Variants in DGKE observed in about 807,000 individuals in gnomAD.
DGKE encodes the protein diacylglycerol kinase epsilon.
In DGKE, 53 loss-of-function variants were observed where a neutral mutation model predicts 70.0. That is an observed-to-expected ratio of 0.76 (90% CI 0.61 to 0.95). The LOEUF is 0.95. DGKE is among the 40% of genes least tolerant of loss of function. The probability of loss-of-function intolerance (pLI) is 0.00; values close to 1 mark genes in which losing one functional copy is unlikely to be tolerated. For missense variants in DGKE, 655 were observed against 706.9 expected (o/e 0.93, Z 0.83); for synonymous variants, 291 against 257.0 (o/e 1.13, Z -1.27).
At chr17:56,851,064 C>G (rs1252635030) in intron 7 of DGKE, among the ~76,000 whole-genome samples, 4 of 152,098 alleles carry the variant, frequency 2.6e-5, no homozygotes, top group African/African-American at 9.7e-5. Context: ...GAGAGTAGAT[C>G]TGTATTTTTA....
chr17:56,859,698 G>A (rs1316575769), intron 9 of DGKE, among the ~76,000 whole-genome samples: 3 of 152,186 alleles, frequency 2.0e-5, no homozygotes, highest in South Asian at 2.1e-4. Flanking sequence ...GATTACAGGC[G>A]TAAGCCACCG....
At chr17:56,849,951 A>C (rs1253705304) in intron 7 of DGKE, among the ~76,000 whole-genome samples, 1 of 152,140 alleles carries the variant, frequency 6.6e-6, no homozygotes, top group African/African-American at 2.4e-5. Flanking sequence ...TAGGAAGTAA[A>C]ATAAACTGGG....
At chr17:56,846,763 A>G (rs759372970) in intron 4 of DGKE, among the ~76,000 whole-genome samples, 4 of 152,196 alleles carry the variant, frequency 2.6e-5, no homozygotes, top group Admixed American at 6.5e-5. Flanking sequence ...TATAAAAAAT[A>G]CAGAGAAAAT....
At chr17:56,858,880 T>C (rs1908113756) in intron 9 of DGKE, among the ~76,000 whole-genome samples, 1 of 152,234 alleles carries the variant, frequency 6.6e-6, no homozygotes, top group Non-Finnish European at 1.5e-5. Flanking sequence ...ATTCACATTA[T>C]GCAGAAAAGA....
intron 2 of DGKE, among the ~76,000 whole-genome samples, chr17:56,842,683 AAAC>A (rs1907060337): frequency 6.6e-6 from 1 of 152,248 alleles, no homozygotes; most frequent in African/African-American, 2.4e-5. Flanking sequence ...CAAAAGGAAA[AAAC>A]AGCTTAAAAT....
intron 2 of DGKE, 96 bp downstream of exon 2, chr17:56,835,355 A>T: frequency 1.6e-6 from 2 of 1,276,258 alleles, no homozygotes; most frequent in Non-Finnish European, 2.1e-6. Flanking sequence ...TCTGCTGATG[A>T]CCTAAACTCA....
chr17:56,860,355 G>A (rs1299840973), intron 9 of DGKE, among the ~76,000 whole-genome samples: 3 of 152,142 alleles, frequency 2.0e-5, no homozygotes, highest in Non-Finnish European at 4.4e-5. Flanking sequence ...AACATAGTGA[G>A]ACTCCACTTT....
chr17:56,865,731 G>T lies in DGKE; in HGVS notation c.*2940G>T, dbSNP rs1431300452. On this transcript the variant is annotated 3_prime_UTR_variant, in exon 12 of 12. Transcript: ENST00000284061. ...TAAAATATACTGTGACTCAGAAATTGTAAAGTCAGTTTGCGTTGTAAAAAT... is the reference window on the plus strand; with the variant it reads ...TAAAATATACTGTGACTCAGAAATTTTAAAGTCAGTTTGCGTTGTAAAAAT... The T allele has an allele frequency of 5.3e-5, 8 of 152,064 alleles. No individual in the cohort carries two copies. Among genetic ancestry groups the T allele is most frequent in the African/African-American group, 1.7e-4 (7 of 41,432 alleles). The allele number at this position is 152,064 out of a possible 1,614,324, so 9.4% of individuals were successfully genotyped here.
Position 56,864,410 on chromosome 17 carries a change from G to A in DGKE, c.*1619G>A, listed in dbSNP as rs1908445586. Reference sequence around the variant, plus strand: ...GACCATGTTTTCAAAGAGCAACTTAGTAATGTATACAGTAGTCAGTACATT... The same window carrying A: ...GACCATGTTTTCAAAGAGCAACTTAATAATGTATACAGTAGTCAGTACATT... On this transcript the variant is annotated 3_prime_UTR_variant, in exon 12 of 12. Transcript: ENST00000284061. 6.6e-6 allele frequency: 1 copy of A among 152,204 alleles called. No individual in the cohort carries two copies. The highest frequency in any genetic ancestry group is 2.4e-5 in the African/African-American group (1 of 41,436). The allele number at this position is 152,204 out of a possible 1,614,324, so 9.4% of individuals were successfully genotyped here.
intron 4 of DGKE, chr17:56,846,085 G>C: frequency 6.7e-6 from 1 of 149,072 alleles, no homozygotes; most frequent in Non-Finnish European, 1.2e-5. Context: ...CAAGGGAAGT[G>C]AAAACATATT....
intron 2 of DGKE, among the ~76,000 whole-genome samples, chr17:56,843,265 GT>G (rs964656386): frequency 1.2e-4 from 18 of 151,992 alleles, no homozygotes; most frequent in African/African-American, 3.6e-4. Flanking sequence ...GTTACAAATG[GT>G]TTTTATGAAA....
chr17:56,836,967 C>T lies in DGKE; in HGVS notation c.464+1708C>T, dbSNP rs553067922. On this transcript the variant is annotated intron_variant, in intron 2 of 11. Coordinates refer to ENST00000284061, the MANE Select transcript of DGKE (RefSeq NM_003647.3). The stretch of plus-strand genomic sequence containing the variant: ...GTCCTTGTCCTTTCCTTCAGGAACT[C>T]TTACCTGATCTACTCAGCTTCCCTC... Among the ~76,000 whole-genome samples, 3 of 152,294 alleles carry T rather than the reference C, an allele frequency of 2.0e-5. No individual in the cohort carries two copies. The South Asian group carries it at 6.2e-4, about 32-fold the overall frequency.
At chr17:56,854,300 GT>G (rs768245365) in intron 7 of DGKE, among the ~76,000 whole-genome samples, 79 of 151,874 alleles carry the variant, frequency 5.2e-4, no homozygotes, top group Non-Finnish European at 8.8e-4. Context: ...TAAAAGAGAG[GT>G]TTTTTGTTTT....
chr17:56,839,129 T>A (rs1906808646), intron 2 of DGKE, among the ~76,000 whole-genome samples: 2 of 152,276 alleles, frequency 1.3e-5, no homozygotes, highest in South Asian at 4.1e-4. Flanking sequence ...TGCTAAAATA[T>A]TGAAGGGTGA....
chr17:56,848,975 AC>A, intron 6 of DGKE, 122 bp downstream of exon 6: 1 of 1,399,396 alleles, frequency 7.1e-7, no homozygotes. Flanking sequence ...TACTAGTTGT[AC>A]CTACACAGAT....
In DGKE at chr17:56,844,005, C is replaced by G. The variant is rs1255944795; in HGVS notation, c.465-14C>G. The G allele has an allele frequency of 1.3e-6, 2 of 1,529,640 alleles. No individual in the cohort carries two copies. Among genetic ancestry groups the G allele is most frequent in the East Asian group, 2.5e-5 (1 of 39,984 alleles). The allele number at this position is 1,529,640 out of a possible 1,614,324, so 94.8% of individuals were successfully genotyped here. ...GTTTAAAATTAGTTAATGCTTGTTT[C>G]TTCCTTCCCTCAGGTGCATTTGGTG... On this transcript the variant is annotated splice_polypyrimidine_tract_variant and intron_variant, in intron 2 of 11. Transcript: ENST00000284061.
chr17:56,859,912 G>C (rs1908191304), intron 9 of DGKE, among the ~76,000 whole-genome samples: 1 of 152,210 alleles, frequency 6.6e-6, no homozygotes, highest in Admixed American at 6.5e-5. Flanking sequence ...AAGGAAAAAT[G>C]TTGCCGTTAG....
At position 56,835,083 on chromosome 17, in the gene DGKE, G is replaced by T; in HGVS notation, c.288G>T (p.Glu96Asp). ...ACTGCTGCGGGCTCCGCGTGGACGA[G>T]GGCTGCCTCAGGAAGGCCGACAAGC... ...FCDCCGLRVD[E>D]GCLRKADKRF... The change falls in exon 2 of 12, where the codon GAG becomes GAT. Residue 96 changes from glutamate (E) to aspartate (D), a missense_variant. By Grantham distance (45) the Glu-to-Asp change is conservative. Coordinates refer to ENST00000284061, the MANE Select transcript of DGKE (RefSeq NM_003647.3). 1 of 1,613,606 alleles carries T rather than the reference G, an allele frequency of 6.2e-7. No individual in the cohort carries two copies. Among genetic ancestry groups the T allele is most frequent in the Non-Finnish European group, 8.5e-7 (1 of 1,180,038 alleles).
At position 56,834,671 on chromosome 17, in the gene DGKE, C is replaced by T. The variant is rs1598009678; in HGVS notation, c.-18-107C>T. The T allele has an allele frequency of 1.1e-5, 12 of 1,045,232 alleles. No individual in the cohort carries two copies. The East Asian group carries it at 1.4e-4, about 13-fold the overall frequency. The allele number at this position is 1,045,232 out of a possible 1,614,324, so 64.7% of individuals were successfully genotyped here. On this transcript the variant is annotated intron_variant, in intron 1 of 11. Transcript: ENST00000284061. ...AGGCGCAGTCCCGCCCTCGGGAGAG[C>T]GGAGCCACCTTCACTGAGGGCGCCC...
Sources: allele counts gnomAD v4.1 joint callset (sites outside exome capture counted in the v4.1 genomes callset), GRCh38; gene constraint gnomAD v4.1.1; transcripts MANE v1.5; gene names NCBI Gene and HGNC (gene_info 2026-07-23, HGNC 2026-07-21).